Variants in CERK observed in about 807,000 individuals in gnomAD.
CERK encodes acylsphingosine kinase.
A neutral mutation model predicts 63.4 loss-of-function variants in CERK; 39 were observed. That is an observed-to-expected ratio of 0.61 (90% CI 0.48 to 0.80). The LOEUF is 0.80. Among genes scored for constraint, CERK ranks in the 30% least tolerant of loss-of-function variants. The pLI is 0.00. For missense variants in CERK, 670 were observed against 714.1 expected (o/e 0.94, Z 0.70); for synonymous variants, 302 against 280.0 (o/e 1.08, Z -0.78).
chr22:46,699,819 T>C (rs999692042), intron 7 of CERK, among the ~76,000 whole-genome samples: 1 of 152,242 alleles, frequency 6.6e-6, no homozygotes, highest in African/African-American at 2.4e-5. Flanking sequence ...CCGAGTGCAG[T>C]GGTTCACGCC....
intron 5 of CERK, among the ~76,000 whole-genome samples, chr22:46,709,723 T>C (rs892894604): frequency 1.3e-5 from 2 of 152,288 alleles, no homozygotes; most frequent in South Asian, 4.1e-4. Context: ...GACAAGGCAA[T>C]TAACTACAGG....
At chr22:46,724,984 G>A (rs1273537636) in intron 1 of CERK, among the ~76,000 whole-genome samples, 2 of 151,992 alleles carry the variant, frequency 1.3e-5, no homozygotes, top group Non-Finnish European at 2.9e-5. Flanking sequence ...TTGCGCCACT[G>A]CACTCCAGCC....
At chr22:46,699,182 C>T in intron 8 of CERK, 131 bp downstream of exon 8, 1 of 919,028 alleles carries the variant, frequency 1.1e-6, no homozygotes, top group South Asian at 1.5e-5. Context: ...TTTCATGAGG[C>T]CCTTAGCTTC....
intron 1 of CERK, among the ~76,000 whole-genome samples, chr22:46,729,571 T>G (rs1335296485): frequency 6.6e-6 from 1 of 151,740 alleles, no homozygotes; most frequent in African/African-American, 2.4e-5. Context: ...ACACCCAGCC[T>G]CCAAAAAACA....
intron 6 of CERK, 96 bp downstream of exon 6, chr22:46,707,747 T>A: frequency 7.3e-7 from 1 of 1,373,738 alleles, no homozygotes; most frequent in South Asian, 1.3e-5. Flanking sequence ...AAACTGAGTA[T>A]AATTGGGTTA....
chr22:46,719,475 C>T (rs2082881708), intron 3 of CERK, among the ~76,000 whole-genome samples: 1 of 152,078 alleles, frequency 6.6e-6, no homozygotes, highest in African/African-American at 2.4e-5. Context: ...AGTCTGAGAC[C>T]AGCCTGGCCA....
intron 7 of CERK, 46 bp from the exon 8 acceptor site, chr22:46,699,511 C>T (rs770483607): frequency 1.2e-5 from 19 of 1,596,764 alleles, no homozygotes; most frequent in Non-Finnish European, 1.6e-5. Flanking sequence ...CCCTCCAGCC[C>T]CGCCCCATCC....
intron 4 of CERK, 128 bp from the exon 5 acceptor site, chr22:46,711,277 C>T (rs1246854042): frequency 1.4e-6 from 1 of 709,858 alleles, no homozygotes; most frequent in African/African-American, 1.8e-5. Context: ...GATAAAATTC[C>T]CTCTTCAATT....
At position 46,720,882 on chromosome 22, in the gene CERK, A is replaced by T; in HGVS notation, c.256+20T>A. Reference sequence around the variant, plus strand: ...ATAGAATTAATGAAGAATGTGGGAGAAGACATTTAGGCTTATCACCTGTAA... The same window carrying T: ...ATAGAATTAATGAAGAATGTGGGAGTAGACATTTAGGCTTATCACCTGTAA... On this transcript the variant is annotated intron_variant, in intron 2 of 12. Coordinates refer to ENST00000216264, the MANE Select transcript of CERK (RefSeq NM_022766.6). The T allele has an allele frequency of 7.1e-7, 1 of 1,415,086 alleles. No homozygotes were observed. The highest frequency in any genetic ancestry group is 1.0e-6 in the Non-Finnish European group (1 of 999,040). The allele number at this position is 1,415,086 out of a possible 1,614,324, so 87.7% of individuals were successfully genotyped here.
At chr22:46,722,984 C>T (rs150654808) in intron 1 of CERK, among the ~76,000 whole-genome samples, 15 of 152,218 alleles carry the variant, frequency 9.9e-5, no homozygotes, top group African/African-American at 2.6e-4. Context: ...AAAGGGCGAG[C>T]GGCTGCGAGA....
At chr22:46,712,406 T>A in intron 3 of CERK, 113 bp from the exon 4 acceptor site, 1 of 852,794 alleles carries the variant, frequency 1.2e-6, no homozygotes, top group Non-Finnish European at 1.8e-6. Context: ...TAGTATTACC[T>A]GATGGAAAGT....
intron 9 of CERK, among the ~76,000 whole-genome samples, chr22:46,694,231 C>T (rs1601710032): frequency 6.6e-6 from 1 of 152,166 alleles, no homozygotes; most frequent in African/African-American, 2.4e-5. Context: ...GTCCTCAGCC[C>T]CAGGCAGAGC....
chr22:46,736,512 GCT>G (rs1345490165), intron 1 of CERK, among the ~76,000 whole-genome samples: 1 of 152,248 alleles, frequency 6.6e-6, no homozygotes, highest in African/African-American at 2.4e-5. Flanking sequence ...CTTAGGAAGT[GCT>G]TGGGGGAGGC....
rs193096549 is a variant in CERK at position 46,686,888 on chromosome 22, C to T, written c.*246G>A. 1,877 of 490,286 alleles carry T rather than the reference C, an allele frequency of 3.8e-3. 7 individuals carry two copies. The highest frequency in any genetic ancestry group is 6.7e-3 in the Middle Eastern group (12 of 1,782). 30.4% of individuals were successfully genotyped at this position (490,286 alleles called of 1,614,324 possible). A position where few individuals can be genotyped will look rare whatever the true frequency, so the allele number is the denominator to read the frequency against. On this transcript the variant is annotated 3_prime_UTR_variant, in exon 13 of 13. Coordinates refer to ENST00000216264, the MANE Select transcript of CERK (RefSeq NM_022766.6). ...TCGTTAAAACCTAAGAGGCCAGTGCCCCCAAGTGAGCAGCTGCATCCGCTG... is the reference window on the plus strand; with the variant it reads ...TCGTTAAAACCTAAGAGGCCAGTGCTCCCAAGTGAGCAGCTGCATCCGCTG...
At position 46,689,481 on chromosome 22, in the gene CERK, C is replaced by T. The variant is rs552840260; in HGVS notation, c.1541+511G>A. Among the ~76,000 whole-genome samples the T allele has an allele frequency of 2.6e-5, 4 of 152,370 alleles. No homozygotes were observed. The South Asian group carries it at 8.3e-4, about 32-fold the overall frequency. On this transcript the variant is annotated intron_variant, in intron 12 of 12. Transcript: ENST00000216264. ...TGCCTCCTGGGTTCAAGCGACTCTC[C>T]TGCCTCAGCCTCCGGGGTAGCTGGG...
chr22:46,727,709 G>A (rs535784691), intron 1 of CERK, among the ~76,000 whole-genome samples: 87 of 152,204 alleles, frequency 5.7e-4, no homozygotes, highest in African/African-American at 1.9e-3. Flanking sequence ...GCTGTGGTCC[G>A]CGTGCCCCAC....
At chr22:46,688,079 T>G (rs779657387) in intron 12 of CERK, among the ~76,000 whole-genome samples, 2 of 152,044 alleles carry the variant, frequency 1.3e-5, no homozygotes, top group Non-Finnish European at 2.9e-5. Flanking sequence ...CGCCTGCTAC[T>G]TGGGAGGCTG....
At chr22:46,709,961 T>C (rs4823872) in intron 5 of CERK, among the ~76,000 whole-genome samples, 46,340 of 152,154 alleles carry the variant, frequency 0.3, 8,208 homozygotes, top group Non-Finnish European at 0.41. Flanking sequence ...ACTGAAATTA[T>C]GGCCAACAAA....
At chr22:46,723,490 G>A (rs762487245) in intron 1 of CERK, among the ~76,000 whole-genome samples, 18 of 151,892 alleles carry the variant, frequency 1.2e-4, no homozygotes, top group Non-Finnish European at 2.4e-4. Flanking sequence ...GTGGTGGTGT[G>A]TGCCTGTAAT....
Sources: gnomAD v4.1 joint callset for allele counts (sites outside exome capture counted in the v4.1 genomes callset) on GRCh38, gnomAD v4.1.1 for gene constraint, MANE v1.5 for transcripts, NCBI Gene and HGNC (gene_info 2026-07-23, HGNC 2026-07-21) for gene names.